The following UBE2K variants were observed in gnomAD, a reference collection of about 807,000 sequenced individuals.
The protein encoded by UBE2K is ubiquitin conjugating enzyme E2 K.
Under a neutral mutation model 30.0 loss-of-function variants are expected in UBE2K, and 6 were observed. That is an observed-to-expected ratio of 0.20 (90% CI 0.11 to 0.39). The LOEUF is 0.39. UBE2K is among the 10% of genes least tolerant of loss of function. The probability of loss-of-function intolerance (pLI) is 1.00; values close to 1 mark genes in which losing one functional copy is unlikely to be tolerated. For synonymous variants in UBE2K, 86 were observed against 83.7 expected, an observed-to-expected ratio of 1.03 and a Z score of -0.15; for missense variants, 61 against 241.6, an observed-to-expected ratio of 0.25 and a Z score of 4.96.
intron 1 of UBE2K, among the ~76,000 whole-genome samples, chr4:39,709,272 G>A (rs566721209): frequency 1.3e-5 from 2 of 152,128 alleles, no homozygotes; most frequent in East Asian, 3.9e-4. Context: ...TAAAGGTATT[G>A]TTCAATGGTT....
intron 3 of UBE2K, among the ~76,000 whole-genome samples, chr4:39,747,391 TC>T: frequency 6.6e-6 from 1 of 152,328 alleles, no homozygotes; most frequent in African/African-American, 2.4e-5. Flanking sequence ...AACCACTGTT[TC>T]TGTTTCTCCG....
At chr4:39,726,177 C>T (rs1419307602) in intron 1 of UBE2K, among the ~76,000 whole-genome samples, 2 of 151,904 alleles carry the variant, frequency 1.3e-5, no homozygotes, top group African/African-American at 4.8e-5. Flanking sequence ...TGGCATCCTC[C>T]CTATATGTCT....
chr4:39,727,241 A>G (rs558374714), intron 1 of UBE2K, among the ~76,000 whole-genome samples: 1 of 152,320 alleles, frequency 6.6e-6, no homozygotes, highest in African/African-American at 2.4e-5. Flanking sequence ...ATTGTGTAGG[A>G]AAAACATGGA....
At chr4:39,762,184 A>AAATAAT (rs138206643) in intron 4 of UBE2K, among the ~76,000 whole-genome samples, 15,036 of 143,750 alleles carry the variant, frequency 0.1, 1,022 homozygotes, top group East Asian at 0.22. Context: ...CATCTCAGTA[A>AAATAAT]AATAATAATA....
intron 1 of UBE2K, among the ~76,000 whole-genome samples, chr4:39,715,856 T>TTTA (rs1286116185): frequency 6.6e-6 from 1 of 152,150 alleles, no homozygotes; most frequent in Non-Finnish European, 1.5e-5. Context: ...TTTTTATTTA[T>TTTA]TTTTTTAAAG....
intron 4 of UBE2K, 44 bp downstream of exon 4, chr4:39,755,783 C>G: frequency 1.4e-6 from 2 of 1,382,282 alleles, no homozygotes; most frequent in South Asian, 1.2e-5. Flanking sequence ...CATATGAATA[C>G]CAAGACTGTA....
In UBE2K at chr4:39,739,607, C is replaced by T. The variant is rs539128859; in HGVS notation, c.157+2094C>T. ...TACTACAGGCGCCCGCCACCATGCC[C>T]GGCTAATTTTTGTATTTTTAGTAGA... On this transcript the variant is annotated intron_variant, in intron 2 of 6. Transcript: ENST00000261427. Among the ~76,000 whole-genome samples, 106 of 151,850 alleles carry T rather than the reference C, an allele frequency of 7.0e-4. 1 individual carries two copies. Among genetic ancestry groups the T allele is most frequent in the Non-Finnish European group, 1.1e-3 (74 of 67,974 alleles).
At chr4:39,715,420 A>G (rs62310117) in intron 1 of UBE2K, among the ~76,000 whole-genome samples, 40 of 151,650 alleles carry the variant, frequency 2.6e-4, no homozygotes, top group African/African-American at 9.0e-4. Flanking sequence ...GATCCTCCCA[A>G]CTCAGCCTCC....
chr4:39,743,656 A>G (rs981682721), intron 2 of UBE2K, among the ~76,000 whole-genome samples: 3 of 152,054 alleles, frequency 2.0e-5, no homozygotes, highest in Non-Finnish European at 2.9e-5. Context: ...TTTAATAACT[A>G]TCAGCTCACG....
chr4:39,754,197 CTG>C (rs1487106131), intron 3 of UBE2K, among the ~76,000 whole-genome samples: 6 of 152,116 alleles, frequency 3.9e-5, no homozygotes, highest in Non-Finnish European at 7.4e-5. Context: ...AGTCAGGAGA[CTG>C]TGTAGTAACC....
chr4:39,727,579 T>A (rs1719823777), intron 1 of UBE2K, among the ~76,000 whole-genome samples: 1 of 138,908 alleles, frequency 7.2e-6, no homozygotes, highest in South Asian at 2.2e-4. Context: ...TGGACTGATC[T>A]TTTTTTTTTT....
chr4:39,746,890 C>T (rs898642626), intron 3 of UBE2K, among the ~76,000 whole-genome samples: 1 of 152,164 alleles, frequency 6.6e-6, no homozygotes, highest in African/African-American at 2.4e-5. Context: ...ATAGTTCCAA[C>T]TCATGTATTA....
chr4:39,764,934 T>C (rs1712218262), intron 4 of UBE2K, among the ~76,000 whole-genome samples: 1 of 151,672 alleles, frequency 6.6e-6, no homozygotes, highest in African/African-American at 2.4e-5. Context: ...TGGCCCAGGC[T>C]GGAGTGCAGT....
At chr4:39,771,138 G>A (rs1712791934) in intron 4 of UBE2K, 4 of 1,612,532 alleles carry the variant, frequency 2.5e-6, no homozygotes, top group Non-Finnish European at 3.4e-6. Flanking sequence ...GATAGTTGAC[G>A]ATGTCCCTAA....
In UBE2K at chr4:39,774,861, A is replaced by G; in HGVS notation, c.327A>G (p.Val109=). 2 of 1,601,142 alleles carry G rather than the reference A, an allele frequency of 1.2e-6. No individual in the cohort carries two copies. Among genetic ancestry groups the G allele is most frequent in the Non-Finnish European group, 1.7e-6 (2 of 1,170,340 alleles). Residue 109 remains valine (V), a synonymous_variant, in exon 5 of 7, where the codon GTA becomes GTG. Transcript: ENST00000261427. The part of the protein sequence containing the change: ...QWAAAMTLRT[V]LLSLQALLAA... The stretch of plus-strand genomic sequence containing the variant: ...CAGCTGCAATGACTCTCCGCACGGT[A>G]TTATTGTCATTGCAAGCACTATTGG...
At chr4:39,778,255 A>C (rs968490787) in intron 6 of UBE2K, 105 bp from the exon 7 acceptor site, 10 of 597,460 alleles carry the variant, frequency 1.7e-5, no homozygotes, top group Non-Finnish European at 2.7e-5. Flanking sequence ...ATCAACTTAC[A>C]GAAAAGAAAC....
chr4:39,758,626 A>G (rs1264520639), intron 4 of UBE2K, among the ~76,000 whole-genome samples: 1 of 152,074 alleles, frequency 6.6e-6, no homozygotes, highest in Non-Finnish European at 1.5e-5. Context: ...TGCAGTTAGC[A>G]GAGATCATGC....
chr4:39,708,260 G>T (rs145433450), intron 1 of UBE2K, among the ~76,000 whole-genome samples: 2 of 152,178 alleles, frequency 1.3e-5, no homozygotes, highest in Non-Finnish European at 2.9e-5. Context: ...GGAACAAAGA[G>T]ATTATTGATA....
chr4:39,700,444 G>C (rs970307914), intron 1 of UBE2K, among the ~76,000 whole-genome samples: 8 of 152,000 alleles, frequency 5.3e-5, no homozygotes, highest in African/African-American at 1.9e-4. Flanking sequence ...GAAACTTCTG[G>C]GAAAATAAGT....
Sources: gnomAD v4.1 joint callset for allele counts (sites outside exome capture counted in the v4.1 genomes callset) on GRCh38, gnomAD v4.1.1 for gene constraint, MANE v1.5 for transcripts, NCBI Gene and HGNC (gene_info 2026-07-23, HGNC 2026-07-21) for gene names.